CAMK4: variants seen among roughly 807,000 people sequenced by gnomAD.
CAMK4 encodes calcium/calmodulin dependent protein kinase IV.
Under a neutral mutation model 44.9 loss-of-function variants are expected in CAMK4, and 22 were observed. The observed-to-expected ratio is 0.49, with a 90% confidence interval of 0.35 to 0.70. The LOEUF is 0.70. Among genes scored for constraint, CAMK4 ranks in the 30% least tolerant of loss-of-function variants. The pLI is 0.01. For missense variants in CAMK4, 498 were observed against 586.8 expected, an observed-to-expected ratio of 0.85 and a Z score of 1.56; for synonymous variants, 218 against 215.4, an observed-to-expected ratio of 1.01 and a Z score of -0.11.
intron 1 of CAMK4, among the ~76,000 whole-genome samples, chr5:111,263,367 C>CT (rs1750080931): frequency 6.6e-6 from 1 of 152,210 alleles, no homozygotes; most frequent in Non-Finnish European, 1.5e-5. Context: ...AGGGCTCTGA[C>CT]TGAGTGGCCA....
intron 1 of CAMK4, among the ~76,000 whole-genome samples, chr5:111,292,919 A>G (rs774650453): frequency 7.9e-5 from 12 of 152,184 alleles, no homozygotes; most frequent in African/African-American, 1.7e-4. Flanking sequence ...TGACAGAGAC[A>G]TTGTCTCAAA....
At chr5:111,416,630 A>G (rs975354072) in intron 5 of CAMK4, 1 of 152,180 alleles carries the variant, frequency 6.6e-6, no homozygotes, top group Admixed American at 6.5e-5. Flanking sequence ...CCTCTCATTT[A>G]TAAAGTAGAA....
intron 1 of CAMK4, among the ~76,000 whole-genome samples, chr5:111,275,836 C>T (rs1235635147): frequency 1.3e-5 from 2 of 152,030 alleles, no homozygotes; most frequent in East Asian, 3.9e-4. Flanking sequence ...ATCCCAATTA[C>T]CCTGACTTCA....
chr5:111,478,796 TGGGTGAATTC>T (rs1169771215), intron 9 of CAMK4, among the ~76,000 whole-genome samples: 1 of 152,238 alleles, frequency 6.6e-6, no homozygotes, highest in Non-Finnish European at 1.5e-5. Context: ...AAAGCTGTGC[TGGGTGAATTC>T]AAACACAATT....
intron 4 of CAMK4, among the ~76,000 whole-genome samples, chr5:111,389,091 A>G (rs1213878784): frequency 6.6e-6 from 1 of 152,172 alleles, no homozygotes; most frequent in Non-Finnish European, 1.5e-5. Context: ...ATGGTTCTGG[A>G]GGCTGGAAAG....
chr5:111,318,121 G>A (rs1306841324), intron 1 of CAMK4, among the ~76,000 whole-genome samples: 1 of 152,078 alleles, frequency 6.6e-6, no homozygotes, highest in East Asian at 1.9e-4. Context: ...TGGTTGGTTT[G>A]TGGAAGTGTA....
chr5:111,405,639 G>A (rs995209755), intron 5 of CAMK4, among the ~76,000 whole-genome samples: 3 of 152,064 alleles, frequency 2.0e-5, no homozygotes, highest in African/African-American at 7.2e-5. Flanking sequence ...TACATATTGT[G>A]AGAACCAAGG....
At chr5:111,457,551 C>A (rs1754462237) in intron 7 of CAMK4, among the ~76,000 whole-genome samples, 1 of 152,194 alleles carries the variant, frequency 6.6e-6, no homozygotes, top group African/African-American at 2.4e-5. Context: ...CCATTAGATT[C>A]ACTATGCCAA....
Position 111,484,208 on chromosome 5 carries a change from G to T in CAMK4, c.1164G>T (p.Lys388Asn). 6.2e-7 allele frequency: 1 copy of T among 1,614,122 alleles called. No homozygotes were observed. Among genetic ancestry groups the T allele is most frequent in the South Asian group, 1.1e-5 (1 of 91,060 alleles). The change falls in exon 11 of 11, where the codon AAG (lysine) becomes AAT (asparagine). Residue 388 changes from lysine to asparagine, a missense_variant. Physicochemically the swap from Lys to Asn is moderately conservative, Grantham distance 94 (BLOSUM62 0). Coordinates refer to ENST00000282356, the MANE Select transcript of CAMK4 (RefSeq NM_001744.6). The surrounding 1 kb of genome is among the most constrained non-coding windows in gnomAD (Gnocchi z 5.3). ...GCGATGGGGCCCAAGCCGCAGTTAA[G>T]GGGGCACAGGCTGAGCTGATGAAGG... is the stretch of plus-strand genomic sequence containing the variant. ...IQGDGAQAAV[K>N]GAQAELMKVQ... is the part of the protein sequence containing the mutation.
intron 9 of CAMK4, among the ~76,000 whole-genome samples, chr5:111,479,355 G>T (rs1259170420): frequency 6.6e-6 from 1 of 151,494 alleles, no homozygotes; most frequent in African/African-American, 2.4e-5. Context: ...AGTTAATATT[G>T]ACATTTGTTT....
chr5:111,224,428 C>G lies in CAMK4; in HGVS notation c.-56C>G, dbSNP rs1013294846. ...GCAGGCGGCGGCTGGCGGCCGGCTT[C>G]TCGCTCGGGCAGCGGCGGCGGCGGC... On this transcript the variant is annotated 5_prime_UTR_variant, in exon 1 of 11. Coordinates refer to ENST00000282356, the MANE Select transcript of CAMK4 (RefSeq NM_001744.6). The surrounding 1 kb of genome is among the most constrained non-coding windows in gnomAD (Gnocchi z 5.7). 6.6e-7 allele frequency: 1 copy of G among 1,517,344 alleles called. No homozygotes were observed. The highest frequency in any genetic ancestry group is 8.8e-7 in the Non-Finnish European group (1 of 1,136,362). 94.0% of individuals were successfully genotyped at this position (1,517,344 alleles called of 1,614,324 possible).
chr5:111,481,108 T>C (rs915261046), intron 9 of CAMK4, among the ~76,000 whole-genome samples: 1 of 152,210 alleles, frequency 6.6e-6, no homozygotes, highest in African/African-American at 2.4e-5. Flanking sequence ...GTTAGGATTG[T>C]TATCAATATC....
chr5:111,452,846 GT>G, intron 7 of CAMK4, among the ~76,000 whole-genome samples: 1 of 152,270 alleles, frequency 6.6e-6, no homozygotes, highest in South Asian at 2.1e-4. Context: ...GGAAAAAGTA[GT>G]TTGCCATATT....
At chr5:111,249,142 T>C (rs1392915735) in intron 1 of CAMK4, among the ~76,000 whole-genome samples, 1 of 152,204 alleles carries the variant, frequency 6.6e-6, no homozygotes. Context: ...CCAGTTTGTG[T>C]GTGCAAGCAT....
At chr5:111,361,824 A>T (rs1407707929) in intron 2 of CAMK4, among the ~76,000 whole-genome samples, 1 of 152,064 alleles carries the variant, frequency 6.6e-6, no homozygotes, top group Non-Finnish European at 1.5e-5. Context: ...TTATATTAGG[A>T]TACAGTTTAG....
intron 2 of CAMK4, among the ~76,000 whole-genome samples, chr5:111,350,859 A>C (rs1750076510): frequency 6.6e-6 from 1 of 152,008 alleles, no homozygotes; most frequent in South Asian, 2.1e-4. Flanking sequence ...ACTTCCATTT[A>C]TTTGTCCTTA....
intron 1 of CAMK4, among the ~76,000 whole-genome samples, chr5:111,271,399 T>A (rs747984333): frequency 6.6e-6 from 1 of 152,164 alleles, no homozygotes; most frequent in African/African-American, 2.4e-5. Context: ...AATCACTTGA[T>A]GGAGGGCTGG....
At chr5:111,437,503 G>A (rs142933581) in intron 5 of CAMK4, among the ~76,000 whole-genome samples, 2 of 152,282 alleles carry the variant, frequency 1.3e-5, no homozygotes, top group African/African-American at 2.4e-5. Flanking sequence ...AGTGGAGGAG[G>A]CATCCTGAAT....
intron 5 of CAMK4, among the ~76,000 whole-genome samples, chr5:111,440,567 A>G (rs1022821691): frequency 1.2e-4 from 18 of 152,212 alleles, no homozygotes; most frequent in African/African-American, 2.9e-4. Context: ...GACATATTCT[A>G]TTTATAAGTT....
Sources: allele counts gnomAD v4.1 joint callset (sites outside exome capture counted in the v4.1 genomes callset), GRCh38; gene constraint gnomAD v4.1.1; non-coding constraint Gnocchi (gnomAD v3.1); transcripts MANE v1.5; gene names NCBI Gene and HGNC (gene_info 2026-07-23, HGNC 2026-07-21).